Variants in NFIL3 observed in about 807,000 individuals in gnomAD.
The protein encoded by NFIL3 is nuclear factor interleukin-3-regulated protein.
In NFIL3, 5 loss-of-function variants were observed where a neutral mutation model predicts 10.0. That is an observed-to-expected ratio of 0.50 (90% CI 0.26 to 1.06). The LOEUF is 1.06. NFIL3 is among the 50% of genes least tolerant of loss of function. The pLI, the probability that NFIL3 is intolerant of heterozygous loss-of-function variation, is 0.13. For missense variants in NFIL3, 436 were observed against 547.6 expected, an observed-to-expected ratio of 0.80 and a Z score of 2.03; for synonymous variants, 202 against 206.5, an observed-to-expected ratio of 0.98 and a Z score of 0.19.
the NFIL3 span, among the ~76,000 whole-genome samples, chr9:91,436,073 A>G: frequency 6.6e-6 from 1 of 152,260 alleles, no homozygotes. Context: ...GCCGGAAGCT[A>G]TGCCCCAAAT....
upstream of NFIL3, among the ~76,000 whole-genome samples, chr9:91,424,662 C>G (rs1587970599): frequency 6.6e-6 from 1 of 152,326 alleles, no homozygotes; most frequent in East Asian, 1.9e-4. Flanking sequence ...TGTTGCGTAA[C>G]ACGACTGGGA....
chr9:91,433,736 T>C, the NFIL3 span, among the ~76,000 whole-genome samples: 1 of 152,260 alleles, frequency 6.6e-6, no homozygotes, highest in African/African-American at 2.4e-5. Flanking sequence ...GAACAATATT[T>C]TCATTTGTGA....
chr9:91,460,149 G>C, the NFIL3 span, among the ~76,000 whole-genome samples: 1 of 152,018 alleles, frequency 6.6e-6, no homozygotes, highest in African/African-American at 2.4e-5. Flanking sequence ...AGAGGAGAAG[G>C]CTGTGCAGGT....
At chr9:91,439,344 T>C in the NFIL3 span, among the ~76,000 whole-genome samples, 1 of 152,198 alleles carries the variant, frequency 6.6e-6, no homozygotes, top group African/African-American at 2.4e-5. Flanking sequence ...CTACTGATTT[T>C]TGTATGTTGA....
At chr9:91,437,760 A>G in the NFIL3 span, among the ~76,000 whole-genome samples, 1 of 152,124 alleles carries the variant, frequency 6.6e-6, no homozygotes, top group Non-Finnish European at 1.5e-5. Flanking sequence ...GAGATCATGT[A>G]TTTTTGTGTG....
At chr9:91,467,530 GA>G in the NFIL3 span, among the ~76,000 whole-genome samples, 6 of 151,692 alleles carry the variant, frequency 4.0e-5, no homozygotes, top group Admixed American at 3.3e-4. Flanking sequence ...GATTCTCTGG[GA>G]TTTTTTTTAA....
Position 91,410,176 on chromosome 9 carries a change from G to C in NFIL3, c.559C>G (p.Leu187Val). ...SVIKHSPQSS[L>V]SDVSEVSSVE... ...GAGGACACTTCTGAAACATCGGACA[G>C]CGAGCTTTGTGGAGAGTGTTTAATG... The change falls in exon 2 of 2, where the codon CTG becomes GTG. Residue 187 changes from leucine to valine, a missense_variant. This residue lies in a region of NFIL3 where 338 missense variants were observed against 399.9 expected (regional missense o/e 0.85). Transcript: ENST00000297689. The surrounding 1 kb of genome is among the most constrained non-coding windows in gnomAD (Gnocchi z 5.7). 6.2e-7 allele frequency: 1 copy of C among 1,614,174 alleles called. No individual in the cohort carries two copies. Among genetic ancestry groups the C allele is most frequent in the Non-Finnish European group, 8.5e-7 (1 of 1,180,040 alleles).
In NFIL3 at chr9:91,409,790, A is replaced by C. The variant is rs1000381759; in HGVS notation, c.945T>G (p.Val315=). The change falls in exon 2 of 2, where the codon GTT becomes GTG. Residue 315 remains valine, a synonymous_variant. Transcript: ENST00000297689. The stretch of plus-strand genomic sequence containing the variant: ...GCAAGGCAGAGGAATTCACTTCTGG[A>C]ACTTTAACCACAGTTGCATGCACAT... ...LKHVHATVVK[V]PEVNSSALPH... 1 of 1,614,134 alleles carries C rather than the reference A, an allele frequency of 6.2e-7. No homozygotes were observed. Among genetic ancestry groups the C allele is most frequent in the Middle Eastern group, 1.6e-4 (1 of 6,062 alleles).
chr9:91,423,918 A>ACCCGCC (rs1326960174), upstream of NFIL3: 11 of 138,726 alleles, frequency 7.9e-5, no homozygotes, highest in African/African-American at 2.6e-4. Flanking sequence ...CCGCGCCCGC[A>ACCCGCC]CCCGCCCCCG....
the NFIL3 span, among the ~76,000 whole-genome samples, chr9:91,455,820 C>A: frequency 1.5e-4 from 23 of 152,272 alleles, no homozygotes; most frequent in African/African-American, 5.5e-4. Context: ...TTATTTATAT[C>A]CTACTGCTCA....
rs1230497616 is a variant in NFIL3, at chr9:91,409,951, G to C, written c.784C>G (p.Leu262Val). The C allele has an allele frequency of 6.2e-7, 1 of 1,613,826 alleles. No individual in the cohort carries two copies. The highest frequency in any genetic ancestry group is 1.7e-5 in the Admixed American group (1 of 60,010). Residue 262 changes from leucine to valine, a missense_variant, in exon 2 of 2, where the codon CTG (leucine) becomes GTG (valine). By Grantham distance (32) the Leu-to-Val change is conservative. Transcript: ENST00000297689. ...FSGYSHSPPL[L>V]QVNRSSSNSP... ...TTGCTGGAGGATCGGTTGACTTGCA[G>C]TAGTGGGGGAGAGTGTGAGTACCCA...
chr9:91,472,111 A>G, the NFIL3 span, among the ~76,000 whole-genome samples: 5 of 152,164 alleles, frequency 3.3e-5, no homozygotes. Context: ...GGGTAACCCA[A>G]CCTTTCTCTC....
At chr9:91,454,359 G>A in the NFIL3 span, among the ~76,000 whole-genome samples, 1 of 151,756 alleles carries the variant, frequency 6.6e-6, no homozygotes, top group Non-Finnish European at 1.5e-5. Flanking sequence ...CTTTCTGGGA[G>A]GCTTTTTATC....
At chr9:91,430,650 TA>T in the NFIL3 span, among the ~76,000 whole-genome samples, 7,930 of 151,892 alleles carry the variant, frequency 0.052, 279 homozygotes, top group Middle Eastern at 0.14. Context: ...TCTTTTTTAT[TA>T]AAAAAAATGT....
rs1259909587 is a variant in NFIL3 at position 91,420,064 on chromosome 9, A to G, written c.-173+3576T>C. Among the ~76,000 whole-genome samples, 3 of 152,130 alleles carry G rather than the reference A, an allele frequency of 2.0e-5. No individual in the cohort carries two copies. In the East Asian group the frequency reaches 5.8e-4, roughly 29 times the overall value. On this transcript the variant is annotated intron_variant, in intron 1 of 1. Coordinates refer to ENST00000297689, the MANE Select transcript of NFIL3 (RefSeq NM_005384.3). ...GGGAATTGGAAAAAGCTGAGCTATT[A>G]ATATGGCAATTGTCACGTCATTCCT... is the stretch of plus-strand genomic sequence containing the variant.
At chr9:91,449,252 G>A in the NFIL3 span, among the ~76,000 whole-genome samples, 1 of 152,004 alleles carries the variant, frequency 6.6e-6, no homozygotes, top group Non-Finnish European at 1.5e-5. Flanking sequence ...TGCACAGCAG[G>A]GTGAAAGTGA....
intron 1 of NFIL3, among the ~76,000 whole-genome samples, chr9:91,422,641 G>T (rs1192194446): frequency 1.3e-5 from 2 of 152,088 alleles, no homozygotes; most frequent in African/African-American, 4.8e-5. Context: ...TTGTCTTGTC[G>T]TGTCTGAAAA....
chr9:91,445,463 G>A, the NFIL3 span, among the ~76,000 whole-genome samples: 1 of 152,220 alleles, frequency 6.6e-6, no homozygotes, highest in South Asian at 2.1e-4. Context: ...GGACTCTGGG[G>A]GACTACTCCA....
upstream of NFIL3, among the ~76,000 whole-genome samples, chr9:91,426,054 G>A (rs1157704765): frequency 1.3e-5 from 2 of 152,138 alleles, no homozygotes; most frequent in Non-Finnish European, 2.9e-5. Context: ...CGACCTTCAA[G>A]ACAGGTAAAG....
Sources: allele counts gnomAD v4.1 joint callset (sites outside exome capture counted in the v4.1 genomes callset), GRCh38; gene constraint gnomAD v4.1.1; regional missense constraint gnomAD v4.1.1; non-coding constraint Gnocchi (gnomAD v3.1); transcripts MANE v1.5; gene names NCBI Gene and HGNC (gene_info 2026-07-23, HGNC 2026-07-21).